ASTN2: variants seen among roughly 807,000 people sequenced by gnomAD.
ASTN2 encodes the protein astrotactin-2.
ASTN2 carries 54 observed loss-of-function variants against 139.8 expected under a neutral mutation model. The observed-to-expected ratio is 0.39, with a 90% CI of 0.31 to 0.48. The LOEUF (loss-of-function observed/expected upper bound fraction) is 0.48. ASTN2 is among the 20% of genes least tolerant of loss of function. The pLI is 0.95. For synonymous variants in ASTN2, 756 were observed against 719.5 expected, an observed-to-expected ratio of 1.05 and a Z score of -0.81; for missense variants, 1,565 against 1,725.1, an observed-to-expected ratio of 0.91 and a Z score of 1.64.
At chr9:117,360,734 G>T (rs1205807363) in intron 1 of ASTN2, among the ~76,000 whole-genome samples, 1 of 151,934 alleles carries the variant, frequency 6.6e-6, no homozygotes, top group Non-Finnish European at 1.5e-5. Context: ...TTTACTAGTG[G>T]CACTCTGTGT....
intron 19 of ASTN2, among the ~76,000 whole-genome samples, chr9:116,588,278 C>G (rs1021234698): frequency 6.6e-6 from 1 of 152,182 alleles, no homozygotes; most frequent in Non-Finnish European, 1.5e-5. Context: ...AAGGTCCTTC[C>G]AAAATTCTGA....
chr9:116,599,949 C>T (rs1854787262), intron 19 of ASTN2, among the ~76,000 whole-genome samples: 1 of 152,178 alleles, frequency 6.6e-6, no homozygotes, highest in South Asian at 2.1e-4. Flanking sequence ...AAACTAAACC[C>T]TAGTCCTATA....
chr9:116,868,974 C>A (rs1322888325), intron 10 of ASTN2, among the ~76,000 whole-genome samples: 2 of 152,154 alleles, frequency 1.3e-5, no homozygotes, highest in African/African-American at 4.8e-5. Flanking sequence ...CACCTGAGGT[C>A]AGGAGTTCGA....
intron 17 of ASTN2, among the ~76,000 whole-genome samples, chr9:116,647,344 C>A (rs750541605): frequency 1.3e-5 from 2 of 152,168 alleles, no homozygotes; most frequent in African/African-American, 4.8e-5. Flanking sequence ...CTCAAAGATA[C>A]TTAATGAATG....
At chr9:117,344,655 T>C (rs371160409) in intron 1 of ASTN2, among the ~76,000 whole-genome samples, 6 of 152,284 alleles carry the variant, frequency 3.9e-5, no homozygotes, top group African/African-American at 1.2e-4. Context: ...ATGCAATTCA[T>C]CTCCTTACTC....
chr9:116,571,138 C>T (rs377374031), intron 19 of ASTN2, among the ~76,000 whole-genome samples: 5 of 152,124 alleles, frequency 3.3e-5, no homozygotes, highest in East Asian at 1.9e-4. Flanking sequence ...GATTCGGTGC[C>T]ACTGCCCCAG....
intron 1 of ASTN2, among the ~76,000 whole-genome samples, chr9:117,350,908 G>T (rs192187797): frequency 8.8e-4 from 134 of 152,290 alleles, no homozygotes; most frequent in African/African-American, 3.1e-3. Flanking sequence ...ATAACAGCAC[G>T]TTAAATCACA....
intron 1 of ASTN2, among the ~76,000 whole-genome samples, chr9:117,379,132 T>C (rs146883612): frequency 5.9e-5 from 9 of 152,278 alleles, no homozygotes; most frequent in African/African-American, 2.2e-4. Context: ...ACCTCTTTTA[T>C]TTATAAATTA....
chr9:116,603,236 G>C (rs1015162228), intron 19 of ASTN2, among the ~76,000 whole-genome samples: 1 of 152,172 alleles, frequency 6.6e-6, no homozygotes, highest in African/African-American at 2.4e-5. Context: ...GGAACTGATA[G>C]ATGGAGAAAA....
At chr9:116,846,522 G>GTGC (rs1832436422) in intron 11 of ASTN2, among the ~76,000 whole-genome samples, 1 of 152,204 alleles carries the variant, frequency 6.6e-6, no homozygotes, top group Non-Finnish European at 1.5e-5. Context: ...ATCAAGAGCA[G>GTGC]TGCTGCAATG....
chr9:116,462,982 T>A (rs917659340), intron 20 of ASTN2, among the ~76,000 whole-genome samples: 1 of 152,134 alleles, frequency 6.6e-6, no homozygotes, highest in African/African-American at 2.4e-5. Context: ...GTTCTTCCTG[T>A]CATCCTCCCC....
intron 3 of ASTN2, among the ~76,000 whole-genome samples, chr9:117,212,583 CAAAAAACAAAAAAA>C (rs1832172813): frequency 6.6e-6 from 1 of 150,898 alleles, no homozygotes; most frequent in Admixed American, 6.6e-5. Flanking sequence ...AACAAAAAAA[CAAAAAACAAAAAAA>C]CCCTCCAATC....
chr9:117,411,732 C>T (rs1215529324), intron 1 of ASTN2, among the ~76,000 whole-genome samples: 6 of 152,314 alleles, frequency 3.9e-5, no homozygotes, highest in Non-Finnish European at 8.8e-5. Context: ...TGGACACCAT[C>T]ACCCCCTAGT....
At chr9:116,526,636 G>A (rs181044152) in intron 19 of ASTN2, among the ~76,000 whole-genome samples, 24,378 of 141,884 alleles carry the variant, frequency 0.17, 2,295 homozygotes, top group African/African-American at 0.25. Flanking sequence ...AAAAAAAAAA[G>A]TGACAAAAGA....
chr9:116,609,728 G>GA (rs955162312), intron 19 of ASTN2, among the ~76,000 whole-genome samples: 2 of 151,590 alleles, frequency 1.3e-5, no homozygotes, highest in African/African-American at 4.8e-5. Context: ...CTTAAATACC[G>GA]AAAAAATAAT....
chr9:116,551,812 G>A (rs1852359067), intron 19 of ASTN2, among the ~76,000 whole-genome samples: 1 of 152,176 alleles, frequency 6.6e-6, no homozygotes, highest in Non-Finnish European at 1.5e-5. Context: ...AAGACAGTAT[G>A]AGAGGGTAAG....
intron 1 of ASTN2, among the ~76,000 whole-genome samples, chr9:117,345,331 G>T (rs1829182738): frequency 6.6e-6 from 1 of 152,098 alleles, no homozygotes; most frequent in African/African-American, 2.4e-5. Flanking sequence ...CTGACCAGAT[G>T]GATTTACAAC....
intron 16 of ASTN2, among the ~76,000 whole-genome samples, chr9:116,677,547 A>T (rs1049639712): frequency 3.9e-5 from 6 of 152,168 alleles, no homozygotes; most frequent in Non-Finnish European, 5.9e-5. Flanking sequence ...CTTTTTGCAC[A>T]CTTGGATCAG....
At chr9:116,949,221 GT>G (rs1835489745) in intron 10 of ASTN2, among the ~76,000 whole-genome samples, 1 of 152,104 alleles carries the variant, frequency 6.6e-6, no homozygotes, top group Admixed American at 6.5e-5. Flanking sequence ...CTTCTCTGAG[GT>G]TTGAAAATGC....
Sources: allele counts gnomAD v4.1 joint callset (sites outside exome capture counted in the v4.1 genomes callset), GRCh38; gene constraint gnomAD v4.1.1; transcripts MANE v1.5; gene names NCBI Gene and HGNC (gene_info 2026-07-23, HGNC 2026-07-21).